PSME4: variants seen among roughly 807,000 people sequenced by gnomAD.
PSME4 encodes proteasome activator complex subunit 4.
PSME4 carries 89 observed loss-of-function variants against 253.9 expected under a neutral mutation model. That is an observed-to-expected ratio of 0.35 (90% CI 0.30 to 0.42). The LOEUF (loss-of-function observed/expected upper bound fraction) is 0.42, where lower values mean the gene tolerates loss of function less well. Among genes scored for constraint, PSME4 ranks in the 10% least tolerant of loss-of-function variants. The probability of loss-of-function intolerance (pLI) is 1.00; values close to 1 mark genes in which losing one functional copy is unlikely to be tolerated. For missense variants in PSME4, 2,014 were observed against 2,195.2 expected (o/e 0.92, Z 1.65); for synonymous variants, 851 against 759.2 (o/e 1.12, Z -1.99).
chr2:53,903,748 T>A (rs577359718), intron 27 of PSME4, among the ~76,000 whole-genome samples: 1 of 152,324 alleles, frequency 6.6e-6, no homozygotes, highest in African/African-American at 2.4e-5. Flanking sequence ...TTCATCATAA[T>A]ACTGATCACA....
intron 41 of PSME4, among the ~76,000 whole-genome samples, chr2:53,884,474 G>A (rs562950829): frequency 3.9e-5 from 6 of 152,284 alleles, no homozygotes; most frequent in African/African-American, 1.4e-4. Flanking sequence ...CTCCCAAAGT[G>A]CTGGCATTAC....
intron 4 of PSME4, among the ~76,000 whole-genome samples, chr2:53,939,591 A>G (rs1669287379): frequency 6.6e-6 from 1 of 152,222 alleles, no homozygotes; most frequent in Non-Finnish European, 1.5e-5. Context: ...AAAGAAAAGA[A>G]TATGGGATAT....
rs1438105761 is a variant in PSME4, at chr2:53,898,318, A to C, written c.3459T>G (p.Gly1153=). 1.2e-6 allele frequency: 2 copies of C among 1,607,766 alleles called. No homozygotes were observed. The highest frequency in any genetic ancestry group is 1.7e-6 in the Non-Finnish European group (2 of 1,177,702). The change falls in exon 30 of 47, where the codon GGT becomes GGG. Residue 1153 remains glycine (G), a synonymous_variant. Transcript: ENST00000404125. ...YENLVDTLLD[G]VEQRNLPWKF... is the part of the protein sequence containing the mutation. The stretch of plus-strand genomic sequence containing the variant: ...GCACTTACAGGTTTCTTTGCTCCAC[A>C]CCATCTAGCAAGGTGTCTACCAAAT...
In PSME4 at chr2:53,910,077, T is replaced by C; in HGVS notation, c.2570A>G (p.Tyr857Cys). The change falls in exon 21 of 47, where the codon TAT becomes TGT. Residue 857 changes from tyrosine (Y) to cysteine (C), a missense_variant and splice_region_variant. By Grantham distance (194) the Tyr-to-Cys change is radical. Around this residue, in one of 4 missense-constraint regions of PSME4, gnomAD observed 989 missense variants for 1,021.1 expected, o/e 0.97. Coordinates refer to ENST00000404125, the MANE Select transcript of PSME4 (RefSeq NM_014614.3). The part of the protein sequence containing the change: ...EETKLYTGLE[Y>C]DLSRENHREV... ...TACTCAGATTAGGATTCACATACCA[T>C]ATTCAAGTCCAGTATACAACTTTGT... is the stretch of plus-strand genomic sequence containing the variant. 1 of 1,602,086 alleles carries C rather than the reference T, an allele frequency of 6.2e-7. No individual in the cohort carries two copies. Among genetic ancestry groups the C allele is most frequent in the Non-Finnish European group, 8.6e-7 (1 of 1,169,220 alleles).
intron 39 of PSME4, 26 bp from the exon 40 acceptor site, chr2:53,887,493 G>C (rs541131622): frequency 6.4e-7 from 1 of 1,565,108 alleles, no homozygotes; most frequent in Admixed American, 1.7e-5. Flanking sequence ...CTTAATAATA[G>C]GAAGAGGTGC....
intron 41 of PSME4, among the ~76,000 whole-genome samples, chr2:53,877,023 T>A (rs2104415008): frequency 6.6e-6 from 1 of 152,120 alleles, no homozygotes; most frequent in Non-Finnish European, 1.5e-5. Flanking sequence ...GTACCCAGTA[T>A]CCGTATTTGT....
chr2:53,946,800 C>G (rs1669731991), intron 3 of PSME4, among the ~76,000 whole-genome samples: 1 of 151,982 alleles, frequency 6.6e-6, no homozygotes, highest in South Asian at 2.1e-4. Context: ...TGTGGTCCCA[C>G]CTTCTCAGGA....
At chr2:53,945,951 G>C (rs1224844742) in intron 3 of PSME4, among the ~76,000 whole-genome samples, 1 of 152,164 alleles carries the variant, frequency 6.6e-6, no homozygotes, top group Non-Finnish European at 1.5e-5. Flanking sequence ...TAAGAGTTGA[G>C]AGTCAGTGCT....
At chr2:53,929,022 G>A (rs550079408) in intron 10 of PSME4, among the ~76,000 whole-genome samples, 4 of 151,926 alleles carry the variant, frequency 2.6e-5, no homozygotes, top group Admixed American at 6.6e-5. Context: ...AAAAATTGGC[G>A]GGGTGTGGTG....
At chr2:53,916,038 GTACTC>G (rs949383580) in intron 20 of PSME4, among the ~76,000 whole-genome samples, 18 of 152,148 alleles carry the variant, frequency 1.2e-4, no homozygotes, top group African/African-American at 4.1e-4. Flanking sequence ...TAGTGCCATT[GTACTC>G]TAGCCTGGGT....
intron 39 of PSME4, 89 bp downstream of exon 39, chr2:53,887,767 AAC>A: frequency 8.6e-6 from 12 of 1,396,668 alleles, no homozygotes; most frequent in Non-Finnish European, 1.2e-5. Context: ...ACCCACTGAC[AAC>A]ATAACCAGCA....
At chr2:53,909,024 T>C (rs1459979357) in intron 21 of PSME4, among the ~76,000 whole-genome samples, 184 bp from the exon 22 acceptor site, 1 of 151,706 alleles carries the variant, frequency 6.6e-6, no homozygotes, top group African/African-American at 2.4e-5. Context: ...TACACTTAAA[T>C]GACCTGCTTA....
At chr2:53,888,936 G>C (rs1220747938) in intron 37 of PSME4, 124 bp from the exon 38 acceptor site, 7 of 739,704 alleles carry the variant, frequency 9.5e-6, no homozygotes, top group Non-Finnish European at 1.5e-5. Flanking sequence ...CCAGGCTGGA[G>C]TGAAGTGGTA....
At chr2:53,869,596 G>A in intron 43 of PSME4, 58 bp from the exon 44 acceptor site, 3 of 1,355,832 alleles carry the variant, frequency 2.2e-6, no homozygotes, top group African/African-American at 1.4e-5. Flanking sequence ...GAATAATGGA[G>A]GATAGGGGGT....
rs865987591 is a variant in PSME4 at position 53,967,540 on chromosome 2, G to A, written c.242+3003C>T. ...AACTGTAATCCCAGCTACTCAGGAG[G>A]CTGAGGCAGGAGAATCGTTTGAACC... On this transcript the variant is annotated intron_variant, in intron 1 of 46. Transcript: ENST00000404125. 9.9e-5 allele frequency among the ~76,000 whole-genome samples: 15 copies of A among 150,816 alleles called. No individual in the cohort carries two copies. In the South Asian group the frequency reaches 1.0e-3, roughly 11 times the overall value.
chr2:53,871,693 C>T (rs1021554924), intron 43 of PSME4, among the ~76,000 whole-genome samples: 1 of 152,186 alleles, frequency 6.6e-6, no homozygotes, highest in African/African-American at 2.4e-5. Context: ...TCCAAATCCA[C>T]TTTCTCCTAA....
At chr2:53,900,100 T>A (rs755324671) in intron 28 of PSME4, 83 bp from the exon 29 acceptor site, 34 of 1,266,904 alleles carry the variant, frequency 2.7e-5, no homozygotes, top group Admixed American at 1.4e-4. Flanking sequence ...TCATGCTAAG[T>A]GAAAGAGGCC....
chr2:53,938,704 A>C (rs1034232721), intron 4 of PSME4, among the ~76,000 whole-genome samples: 1 of 152,174 alleles, frequency 6.6e-6, no homozygotes, highest in Non-Finnish European at 1.5e-5. Flanking sequence ...GGCTTGGCCC[A>C]CACAGCATAT....
At chr2:53,901,182 T>C (rs3815650) in intron 28 of PSME4, among the ~76,000 whole-genome samples, 168 bp downstream of exon 28, 7,843 of 152,126 alleles carry the variant, frequency 0.052, 439 homozygotes, top group East Asian at 0.3. Flanking sequence ...TGTACAATAA[T>C]GATCAATGAA....
Sources: allele counts gnomAD v4.1 joint callset (sites outside exome capture counted in the v4.1 genomes callset), GRCh38; gene constraint gnomAD v4.1.1; regional missense constraint gnomAD v4.1.1; transcripts MANE v1.5; gene names NCBI Gene and HGNC (gene_info 2026-07-23, HGNC 2026-07-21).